The following ZNF385B variants were observed in gnomAD, a reference collection of about 807,000 sequenced individuals.
ZNF385B encodes zinc finger protein 533.
Under a neutral mutation model 39.2 loss-of-function variants are expected in ZNF385B, and 23 were observed. That is an observed-to-expected ratio of 0.59 (90% confidence interval 0.42 to 0.83). The LOEUF (loss-of-function observed/expected upper bound fraction) is 0.83. Among genes scored for constraint, ZNF385B ranks in the 40% least tolerant of loss-of-function variants. The pLI, the probability that ZNF385B is intolerant of heterozygous loss-of-function variation, is 0.00. For missense variants in ZNF385B, 552 were observed against 598.9 expected (o/e 0.92, Z 0.82); for synonymous variants, 205 against 222.6 (o/e 0.92, Z 0.70).
chr2:179,708,047 G>A (rs940694401), intron 3 of ZNF385B, among the ~76,000 whole-genome samples: 1 of 152,190 alleles, frequency 6.6e-6, no homozygotes, highest in Non-Finnish European at 1.5e-5. Flanking sequence ...GGCCACAGGT[G>A]GAACTAGCTA....
At chr2:179,776,515 A>G (rs1043293175) in intron 1 of ZNF385B, among the ~76,000 whole-genome samples, 2 of 152,204 alleles carry the variant, frequency 1.3e-5, no homozygotes, top group Non-Finnish European at 2.9e-5. Flanking sequence ...ATCCTCTTGT[A>G]TAACATCCCG....
At chr2:179,832,323 G>C (rs901814245) in intron 1 of ZNF385B, among the ~76,000 whole-genome samples, 1 of 152,064 alleles carries the variant, frequency 6.6e-6, no homozygotes, top group African/African-American at 2.4e-5. Flanking sequence ...TCTCACTACA[G>C]CTCTTCTAGG....
At chr2:179,760,784 T>C (rs1703335950) in intron 3 of ZNF385B, among the ~76,000 whole-genome samples, 1 of 152,136 alleles carries the variant, frequency 6.6e-6, no homozygotes, top group African/African-American at 2.4e-5. Flanking sequence ...GCAGAAGATG[T>C]TGTGAAAACA....
intron 3 of ZNF385B, among the ~76,000 whole-genome samples, chr2:179,680,415 C>G (rs184414117): frequency 1.3e-5 from 2 of 152,074 alleles, no homozygotes; most frequent in East Asian, 3.9e-4. Context: ...ATATAAAAGT[C>G]AAGAAAAGGC....
intron 5 of ZNF385B, among the ~76,000 whole-genome samples, chr2:179,500,435 C>G (rs2056651287): frequency 6.6e-6 from 1 of 152,030 alleles, no homozygotes; most frequent in African/African-American, 2.4e-5. Flanking sequence ...AACCCAGAAA[C>G]AAACTCAGAT....
chr2:179,708,932 G>A (rs183316853), intron 3 of ZNF385B, among the ~76,000 whole-genome samples: 1 of 152,308 alleles, frequency 6.6e-6, no homozygotes, highest in Admixed American at 6.5e-5. Flanking sequence ...TAGATTACTG[G>A]GAATTAAATA....
chr2:179,705,827 G>A (rs1431023024), intron 3 of ZNF385B, among the ~76,000 whole-genome samples: 5 of 152,198 alleles, frequency 3.3e-5, no homozygotes. Flanking sequence ...TAAACCAATA[G>A]GCAAGTCTGT....
intron 3 of ZNF385B, among the ~76,000 whole-genome samples, chr2:179,602,299 C>T (rs562700940): frequency 3.3e-5 from 5 of 152,236 alleles, no homozygotes; most frequent in African/African-American, 9.6e-5. Context: ...TGGGTTCAAG[C>T]GATTCTCGTG....
At chr2:179,486,335 TA>T (rs2105616176) in intron 5 of ZNF385B, among the ~76,000 whole-genome samples, 2 of 152,238 alleles carry the variant, frequency 1.3e-5, no homozygotes, top group East Asian at 3.9e-4. Context: ...AAATAACTTA[TA>T]AAAAGCCACA....
At chr2:179,481,485 C>T (rs1166997445) in intron 6 of ZNF385B, among the ~76,000 whole-genome samples, 4 of 151,380 alleles carry the variant, frequency 2.6e-5, no homozygotes, top group Non-Finnish European at 5.9e-5. Context: ...TGTTCCATCT[C>T]TATTTCTGAT....
At chr2:179,459,932 C>T (rs1015757012) in intron 6 of ZNF385B, among the ~76,000 whole-genome samples, 15 of 151,426 alleles carry the variant, frequency 9.9e-5, no homozygotes, top group Non-Finnish European at 1.8e-4. Context: ...GGTGAAACCC[C>T]GTCTCTACTA....
chr2:179,530,607 A>G (rs1007540964), intron 4 of ZNF385B, among the ~76,000 whole-genome samples: 1 of 152,230 alleles, frequency 6.6e-6, no homozygotes, highest in African/African-American at 2.4e-5. Flanking sequence ...GCTGAGGTCC[A>G]TGACAAAAAT....
chr2:179,473,339 T>C (rs2053014130), intron 6 of ZNF385B, among the ~76,000 whole-genome samples: 1 of 152,192 alleles, frequency 6.6e-6, no homozygotes, highest in Non-Finnish European at 1.5e-5. Context: ...TGCCAGCATG[T>C]CATGAAACGA....
At chr2:179,557,719 T>A (rs577572116) in intron 3 of ZNF385B, among the ~76,000 whole-genome samples, 2 of 151,686 alleles carry the variant, frequency 1.3e-5, no homozygotes, top group African/African-American at 4.8e-5. Context: ...TACATGTTTT[T>A]AAGTATATAT....
At chr2:179,661,847 G>A (rs917564756) in intron 3 of ZNF385B, among the ~76,000 whole-genome samples, 1 of 152,110 alleles carries the variant, frequency 6.6e-6, no homozygotes. Context: ...TGTTCCCTCA[G>A]TTGAGTGATA....
chr2:179,824,713 A>G (rs1707582973), intron 1 of ZNF385B, among the ~76,000 whole-genome samples: 1 of 152,058 alleles, frequency 6.6e-6, no homozygotes, highest in African/African-American at 2.4e-5. Context: ...TTGAACACAT[A>G]TGGAAGGGCA....
At chr2:179,457,280 C>T (rs2105451607) in intron 6 of ZNF385B, among the ~76,000 whole-genome samples, 1 of 152,158 alleles carries the variant, frequency 6.6e-6, no homozygotes, top group South Asian at 2.1e-4. Flanking sequence ...TATTTTGCTA[C>T]CGATGAAAAT....
At chr2:179,539,165 G>T (rs758551102) in intron 4 of ZNF385B, among the ~76,000 whole-genome samples, 6 of 152,212 alleles carry the variant, frequency 3.9e-5, no homozygotes, top group African/African-American at 9.6e-5. Flanking sequence ...AGATCAAGGT[G>T]CCAGTATGGT....
intron 3 of ZNF385B, among the ~76,000 whole-genome samples, chr2:179,690,928 A>G (rs537439713): frequency 1.3e-4 from 20 of 152,264 alleles, no homozygotes; most frequent in African/African-American, 4.8e-4. Flanking sequence ...GGTGCACTCG[A>G]TCAGTTTCCT....
Sources: gnomAD v4.1 joint callset for allele counts (sites outside exome capture counted in the v4.1 genomes callset) on GRCh38, gnomAD v4.1.1 for gene constraint, MANE v1.5 for transcripts, NCBI Gene and HGNC (gene_info 2026-07-23, HGNC 2026-07-21) for gene names.